Variants in WDR19 observed in about 807,000 individuals in gnomAD.
The protein encoded by WDR19 is WD repeat domain 19.
WDR19 carries 121 observed loss-of-function variants against 180.0 expected under a neutral mutation model. That is an observed-to-expected ratio of 0.67 (90% CI 0.58 to 0.78). The LOEUF (loss-of-function observed/expected upper bound fraction) is 0.78, where lower values mean the gene tolerates loss of function less well. WDR19 is among the 30% of genes least tolerant of loss of function. The pLI, the probability that WDR19 is intolerant of heterozygous loss-of-function variation, is 0.00. For missense variants in WDR19, 1,450 were observed against 1,640.7 expected, an observed-to-expected ratio of 0.88 and a Z score of 2.01; for synonymous variants, 497 against 540.7, an observed-to-expected ratio of 0.92 and a Z score of 1.12.
At chr4:39,281,667 C>T (rs1198705278) in intron 36 of WDR19, among the ~76,000 whole-genome samples, 1 of 152,092 alleles carries the variant, frequency 6.6e-6, no homozygotes, top group Non-Finnish European at 1.5e-5. Flanking sequence ...TGCTGTATAA[C>T]AAATTATCAC....
intron 28 of WDR19, among the ~76,000 whole-genome samples, chr4:39,262,702 C>A (rs1734410632): frequency 1.3e-5 from 2 of 152,146 alleles, no homozygotes; most frequent in Admixed American, 1.3e-4. Context: ...TTTCACCCTC[C>A]CTAGAATGGT....
intron 24 of WDR19, 65 bp from the exon 25 acceptor site, chr4:39,253,081 T>A: frequency 1.4e-6 from 2 of 1,479,046 alleles, no homozygotes; most frequent in Non-Finnish European, 1.8e-6. Context: ...TCCTAAACAT[T>A]TATCAACATT....
At chr4:39,221,015 G>A (rs1312276245) in intron 14 of WDR19, among the ~76,000 whole-genome samples, 1 of 151,312 alleles carries the variant, frequency 6.6e-6, no homozygotes, top group Non-Finnish European at 1.5e-5. Context: ...GGACACAGGA[G>A]CCTGGCCTAA....
chr4:39,278,677 C>T lies in WDR19; in HGVS notation c.*13+14C>T, dbSNP rs758352852. ...TGGCACGTGCAGGTGAGTGGCAGAG[C>T]GCCCACGCACCTTCTGGGCGCAAGG... On this transcript the variant is annotated intron_variant, in intron 36 of 36. Transcript: ENST00000399820. 31 of 1,540,808 alleles carry T rather than the reference C, an allele frequency of 2.0e-5. No individual in the cohort carries two copies. The East Asian group carries it at 3.4e-4, about 17-fold the overall frequency.
chr4:39,182,876 G>C (rs1725090614), intron 1 of WDR19, among the ~76,000 whole-genome samples: 1 of 152,152 alleles, frequency 6.6e-6, no homozygotes, highest in South Asian at 2.1e-4. Context: ...AGATACCCCA[G>C]CTTCGCACGC....
rs745603321 is a variant in WDR19 at position 39,277,103 on chromosome 4, G to C, written c.3800G>C (p.Cys1267Ser). ...KFLLPECELL[C>S]PGCKNSIPYC... ...CTTCTCCCAGAGTGTGAACTCCTCT[G>C]TCCTGGATGTAAAAACAGTATCCCA... Residue 1267 changes from cysteine to serine, a missense_variant, in exon 34 of 37, where the codon TGT becomes TCT. Transcript: ENST00000399820. 1 of 1,613,580 alleles carries C rather than the reference G, an allele frequency of 6.2e-7. No homozygotes were observed. The highest frequency in any genetic ancestry group is 1.7e-5 in the Admixed American group (1 of 59,974).
intron 23 of WDR19, 49 bp downstream of exon 23, chr4:39,244,601 G>A: frequency 6.2e-7 from 1 of 1,605,938 alleles, no homozygotes; most frequent in Non-Finnish European, 8.5e-7. Flanking sequence ...AAATGAATGT[G>A]CCTCTGGGGT....
chr4:39,190,725 G>A (rs1426371408), intron 4 of WDR19, among the ~76,000 whole-genome samples: 3 of 152,196 alleles, frequency 2.0e-5, no homozygotes, highest in East Asian at 1.9e-4. Context: ...CAAAGTGACC[G>A]TTGAGGCAAG....
intron 1 of WDR19, among the ~76,000 whole-genome samples, chr4:39,185,435 C>T (rs540384559): frequency 6.6e-6 from 1 of 152,176 alleles, no homozygotes; most frequent in African/African-American, 2.4e-5. Context: ...ACTAAAATTA[C>T]ATATTTTTGT....
At chr4:39,232,607 CAGG>C (rs1034803885) in intron 19 of WDR19, among the ~76,000 whole-genome samples, 3 of 151,628 alleles carry the variant, frequency 2.0e-5, no homozygotes, top group African/African-American at 7.3e-5. Context: ...CCTGCCCCAG[CAGG>C]AGAATTGCTT....
Position 39,278,171 on chromosome 4 carries a change from A to G in WDR19, c.3881A>G (p.His1294Arg), listed in dbSNP as rs1224275153. 6.2e-7 allele frequency: 1 copy of G among 1,607,834 alleles called. No homozygotes were observed. Among genetic ancestry groups the G allele is most frequent in the Non-Finnish European group, 8.5e-7 (1 of 1,177,150 alleles). The change falls in exon 35 of 37, where the codon CAT (histidine) becomes CGT (arginine). Residue 1294 changes from histidine to arginine, a missense_variant. Transcript: ENST00000399820. Reference protein sequence around the residue: ...MLKDDWTVCPHCDFPALYSEL... With the variant: ...MLKDDWTVCPRCDFPALYSEL... ...AAAGATGACTGGACGGTGTGTCCAC[A>G]TTGTGACTTCCCTGCTCTATACTCA...
chr4:39,212,756 C>T (rs1728682716), intron 9 of WDR19, among the ~76,000 whole-genome samples: 1 of 152,170 alleles, frequency 6.6e-6, no homozygotes. Context: ...AACAGTATGT[C>T]ATATGTTTAA....
intron 14 of WDR19, among the ~76,000 whole-genome samples, chr4:39,223,304 G>C (rs1225329466): frequency 6.6e-6 from 1 of 152,006 alleles, no homozygotes; most frequent in East Asian, 1.9e-4. Flanking sequence ...AAGAATAAAA[G>C]TACAGTCCTC....
intron 17 of WDR19, among the ~76,000 whole-genome samples, chr4:39,231,134 A>G (rs559153915): frequency 6.6e-6 from 1 of 152,076 alleles, no homozygotes; most frequent in South Asian, 2.1e-4. Context: ...ACACGATGAA[A>G]CCCTGTCTCT....
intron 20 of WDR19, among the ~76,000 whole-genome samples, chr4:39,238,629 C>G (rs1021883192): frequency 6.6e-6 from 1 of 152,148 alleles, no homozygotes; most frequent in African/African-American, 2.4e-5. Flanking sequence ...ACATTGCTGA[C>G]TATGGAGTCC....
intron 12 of WDR19, 86 bp from the exon 13 acceptor site, chr4:39,217,048 A>C (rs1729138051): frequency 2.3e-6 from 2 of 885,912 alleles, no homozygotes; most frequent in Admixed American, 3.0e-5. Flanking sequence ...ATTTTTGCAA[A>C]AGCACACCTT....
chr4:39,280,066 T>C (rs1020439704), intron 36 of WDR19, among the ~76,000 whole-genome samples: 4 of 151,594 alleles, frequency 2.6e-5, no homozygotes, highest in African/African-American at 9.7e-5. Flanking sequence ...ACAAGTTCTA[T>C]ATCATGTATA....
chr4:39,253,906 G>GT lies in WDR19; in HGVS notation c.2883dup (p.Leu962SerfsTer5). The GT allele has an allele frequency of 1.3e-6, 2 of 1,593,870 alleles. No individual in the cohort carries two copies. The highest frequency in any genetic ancestry group is 1.2e-5 in the South Asian group (1 of 86,748). On this transcript the variant is annotated frameshift_variant and splice_region_variant, in exon 26 of 37. Transcript: ENST00000399820. LOFTEE classifies it high-confidence loss of function. Reference sequence around the variant, plus strand: ...AGCTAATTAAAGTACTTTGCTTTAGGTTTTTTCTACAGCTTGGTGACTATG... The same window carrying GT: ...AGCTAATTAAAGTACTTTGCTTTAGGTTTTTTTCTACAGCTTGGTGACTATG...
intron 13 of WDR19, among the ~76,000 whole-genome samples, 178 bp from the exon 14 acceptor site, chr4:39,217,805 C>CTG (rs1729223362): frequency 6.6e-6 from 1 of 152,318 alleles, no homozygotes; most frequent in South Asian, 2.1e-4. Context: ...AGAGGGACAT[C>CTG]TGTGCTACCT....
Sources: allele counts gnomAD v4.1 joint callset (sites outside exome capture counted in the v4.1 genomes callset), GRCh38; gene constraint gnomAD v4.1.1; transcripts MANE v1.5; gene names NCBI Gene and HGNC (gene_info 2026-07-23, HGNC 2026-07-21).